Variants in POMZP3 observed in about 807,000 individuals in gnomAD.
POMZP3 encodes POM121 and ZP3 fusion, also known as POM121 and ZP3 fusion protein.
POMZP3 carries 10 observed loss-of-function variants against 19.8 expected under a neutral mutation model. The ratio of observed to expected loss-of-function variants is 0.51; its 90% CI spans 0.31 to 0.86. POMZP3 has a LOEUF of 0.86. POMZP3 is among the 40% of genes least tolerant of loss of function. The pLI is 0.04. For missense variants in POMZP3, 152 were observed against 228.1 expected (o/e 0.67, Z 2.15); for synonymous variants, 57 against 85.8 (o/e 0.66, Z 1.85).
rs75646999 is a variant in POMZP3 at position 76,620,020 on chromosome 7, T to TA, written c.228-1721dup. Among the ~76,000 whole-genome samples the TA allele has an allele frequency of 4.3e-4, 27 of 62,878 alleles. 2 individuals are homozygous for TA. The highest frequency in any genetic ancestry group is 8.8e-4 in the Admixed American group (6 of 6,790). The allele number at this position is 62,878 out of a possible 152,430, so 41.3% of individuals were successfully genotyped here. On this transcript the variant is annotated intron_variant, in intron 3 of 6. Transcript: ENST00000310842. Reference sequence around the variant, plus strand: ...GGTGACAGGGTGATATCTTGTCTCTTAAAAAAAAAAAGGGCCGGGTGCGGT... The same window carrying TA: ...GGTGACAGGGTGATATCTTGTCTCTTAAAAAAAAAAAAGGGCCGGGTGCGGT...
At chr7:76,619,665 C>CA (rs1393138098) in intron 3 of POMZP3, among the ~76,000 whole-genome samples, 1 of 146,022 alleles carries the variant, frequency 6.8e-6, no homozygotes, top group African/African-American at 2.6e-5. Flanking sequence ...TGCTCTGAAG[C>CA]AACTGAAAAT....
At chr7:76,620,422 G>A (rs548575352) in intron 3 of POMZP3, among the ~76,000 whole-genome samples, 5 of 144,800 alleles carry the variant, frequency 3.5e-5, no homozygotes, top group Non-Finnish European at 6.0e-5. Context: ...GTGAGCACAC[G>A]TACCTTATTT....
intron 3 of POMZP3, among the ~76,000 whole-genome samples, chr7:76,620,769 GT>G (rs1815509217): frequency 6.6e-6 from 1 of 151,410 alleles, no homozygotes; most frequent in Non-Finnish European, 1.5e-5. Context: ...GCCCAGATGG[GT>G]GAGCCCTTTC....
chr7:76,625,864 G>C (rs1815858451), intron 2 of POMZP3, 136 bp downstream of exon 2: 7 of 1,396,956 alleles, frequency 5.0e-6, no homozygotes, highest in Non-Finnish European at 5.8e-6. Context: ...GGTTTTACTA[G>C]AATTTGGTAT....
chr7:76,622,611 G>A (rs1382064742), intron 3 of POMZP3, among the ~76,000 whole-genome samples: 4 of 151,438 alleles, frequency 2.6e-5, no homozygotes, highest in Non-Finnish European at 4.4e-5. Context: ...TGATCCACCC[G>A]CCTTGGCCTC....
intron 3 of POMZP3, among the ~76,000 whole-genome samples, chr7:76,619,425 C>T (rs932946677): frequency 6.4e-4 from 97 of 151,136 alleles, no homozygotes; most frequent in Middle Eastern, 3.4e-3. Flanking sequence ...GGGCTCTCTC[C>T]TCTCTGGCAG....
chr7:76,610,967 C>T (rs1815063014), intron 6 of POMZP3, among the ~76,000 whole-genome samples: 1 of 141,998 alleles, frequency 7.0e-6, no homozygotes, highest in African/African-American at 2.7e-5. Context: ...CTCTGCCTCC[C>T]AGATTCAAGT....
intron 3 of POMZP3, chr7:76,618,606 G>T (rs921838564): frequency 2.9e-6 from 1 of 348,872 alleles, no homozygotes; most frequent in East Asian, 6.0e-5. Context: ...GTGACAGACT[G>T]AGACTCGGTC....
rs1815128174 is a variant in POMZP3 at position 76,611,922 on chromosome 7, G to T, written c.346-109C>A. On this transcript the variant is annotated intron_variant, in intron 4 of 6. Coordinates refer to ENST00000310842, the MANE Select transcript of POMZP3 (RefSeq NM_012230.5). ...CCCTTTAAAGAGTGAGAAGGGGCCG[G>T]GTGCGATGGCACACACCTATAATCC... 37 of 1,539,430 alleles carry T rather than the reference G, an allele frequency of 2.4e-5. No homozygotes were observed. The South Asian group carries it at 4.3e-4, about 18-fold the overall frequency.
At chr7:76,619,729 T>G in intron 3 of POMZP3, among the ~76,000 whole-genome samples, 1 of 133,056 alleles carries the variant, frequency 7.5e-6, no homozygotes, top group African/African-American at 3.1e-5. Context: ...TGGGGAGTGG[T>G]GTTGAGCAAA....
At chr7:76,623,183 T>TG (rs1324759074) in intron 3 of POMZP3, among the ~76,000 whole-genome samples, 5 of 120,126 alleles carry the variant, frequency 4.2e-5, no homozygotes, top group East Asian at 2.2e-4. Context: ...AAATTGATTG[T>TG]GGTTTTTTTT....
At position 76,620,422 on chromosome 7, in the gene POMZP3, G is replaced by C. The variant is rs548575352; in HGVS notation, c.228-2122C>G. The stretch of plus-strand genomic sequence containing the variant: ...TCAGATGAATGAACGGTGAGCACAC[G>C]TACCTTATTTTAGATTTGCCACAAG... On this transcript the variant is annotated intron_variant, in intron 3 of 6. Coordinates refer to ENST00000310842, the MANE Select transcript of POMZP3 (RefSeq NM_012230.5). Among the ~76,000 whole-genome samples the C allele has an allele frequency of 2.8e-4, 40 of 144,914 alleles. No individual in the cohort carries two copies. In the South Asian group the frequency reaches 9.0e-3, roughly 33 times the overall value.
At chr7:76,620,200 C>T (rs1164782885) in intron 3 of POMZP3, among the ~76,000 whole-genome samples, 2 of 87,240 alleles carry the variant, frequency 2.3e-5, no homozygotes, top group African/African-American at 1.0e-4. Context: ...TGGTGGCGGG[C>T]GCCTGTAGTC....
chr7:76,620,738 G>T lies in POMZP3; in HGVS notation c.228-2438C>A, dbSNP rs1815507333. Reference sequence around the variant, plus strand: ...CTGCCTCAGCCTCCCAAAGTGCAGGGATTACAGGCGTGAGTCACCTGCCCA... The same window carrying T: ...CTGCCTCAGCCTCCCAAAGTGCAGGTATTACAGGCGTGAGTCACCTGCCCA... On this transcript the variant is annotated intron_variant, in intron 3 of 6. Coordinates refer to ENST00000310842, the MANE Select transcript of POMZP3 (RefSeq NM_012230.5). Among the ~76,000 whole-genome samples the T allele has an allele frequency of 2.0e-5, 3 of 152,050 alleles. No individual in the cohort carries two copies. The South Asian group carries it at 6.2e-4, about 32-fold the overall frequency.
In POMZP3 at chr7:76,626,129, A is replaced by G. The variant is rs1288318302; in HGVS notation, c.-65T>C. 6.2e-7 allele frequency: 1 copy of G among 1,611,690 alleles called. No homozygotes were observed. The highest frequency in any genetic ancestry group is 1.3e-5 in the African/African-American group (1 of 74,782). The stretch of plus-strand genomic sequence containing the variant: ...ACCATTCCAGCACACTGTGGGAAGT[A>G]CCCCCGGACAGGAATACTGGGCCTG... On this transcript the variant is annotated 5_prime_UTR_variant, in exon 2 of 7. Coordinates refer to ENST00000310842, the MANE Select transcript of POMZP3 (RefSeq NM_012230.5).
At chr7:76,624,143 A>AGAG (rs1554652325) in intron 3 of POMZP3, among the ~76,000 whole-genome samples, 1 of 87,314 alleles carries the variant, frequency 1.1e-5, no homozygotes, top group African/African-American at 4.4e-5. Context: ...TAATATAAAA[A>AGAG]AAGTATAGGA....
At chr7:76,625,463 A>G (rs1396672321) in intron 3 of POMZP3, 59 bp downstream of exon 3, 2 of 1,597,198 alleles carry the variant, frequency 1.3e-6, no homozygotes, top group African/African-American at 2.7e-5. Flanking sequence ...GAATGTCTAC[A>G]TCTCATCCCA....
In POMZP3 at chr7:76,611,657, T is replaced by C. The variant is rs559818737; in HGVS notation, c.437+65A>G. On this transcript the variant is annotated intron_variant, in intron 5 of 6. Coordinates refer to ENST00000310842, the MANE Select transcript of POMZP3 (RefSeq NM_012230.5). Reference sequence around the variant, plus strand: ...AGGAAGCAGTTTGCTGATAATATATTGGGGGAAATAGACAAGGGGTCGCCG... The same window carrying C: ...AGGAAGCAGTTTGCTGATAATATATCGGGGGAAATAGACAAGGGGTCGCCG... The C allele has an allele frequency of 2.9e-3, 4,514 of 1,557,718 alleles. 175 individuals carry two copies. Among genetic ancestry groups the C allele is most frequent in the Non-Finnish European group, 3.6e-3 (4,093 of 1,138,052 alleles).
intron 3 of POMZP3, among the ~76,000 whole-genome samples, chr7:76,620,861 ATTTTTTTTT>A (rs56084078): frequency 6.6e-5 from 5 of 76,200 alleles, no homozygotes; most frequent in East Asian, 4.7e-4. Context: ...CTGTAAAGCC[ATTTTTTTTT>A]TTTTTTTTTT....
Sources: gnomAD v4.1 joint callset for allele counts (sites outside exome capture counted in the v4.1 genomes callset) on GRCh38, gnomAD v4.1.1 for gene constraint, MANE v1.5 for transcripts, NCBI Gene and HGNC (gene_info 2026-07-23, HGNC 2026-07-21) for gene names.